The following SLC7A11 variants were observed in gnomAD, a reference collection of about 807,000 sequenced individuals.
SLC7A11 encodes cystine/glutamate transporter.
Under a neutral mutation model 54.5 loss-of-function variants are expected in SLC7A11, and 35 were observed. The ratio of observed to expected loss-of-function variants is 0.64; its 90% CI spans 0.49 to 0.85. The LOEUF is 0.85. Ranked by LOEUF, SLC7A11 falls within the 40% of genes least tolerant of loss-of-function variation. The pLI, the probability that SLC7A11 is intolerant of heterozygous loss-of-function variation, is 0.00. For synonymous variants in SLC7A11, 230 were observed against 225.2 expected, an observed-to-expected ratio of 1.02 and a Z score of -0.19; for missense variants, 583 against 618.1, an observed-to-expected ratio of 0.94 and a Z score of 0.60.
At chr4:138,174,922 A>G (rs1166434558) in intron 11 of SLC7A11, among the ~76,000 whole-genome samples, 2 of 152,202 alleles carry the variant, frequency 1.3e-5, no homozygotes, top group African/African-American at 4.8e-5. Flanking sequence ...CCTGGTACCA[A>G]TATGGGAACT....
chr4:138,183,039 G>A (rs765769652), intron 8 of SLC7A11, among the ~76,000 whole-genome samples, 163 bp downstream of exon 8: 5 of 152,112 alleles, frequency 3.3e-5, no homozygotes, highest in Admixed American at 6.6e-5. Flanking sequence ...CTAATGGACA[G>A]AATAAAACGT....
rs192265594 is a variant in SLC7A11, at chr4:138,191,687, A to T, written c.792-6443T>A. 2.6e-4 allele frequency among the ~76,000 whole-genome samples: 39 copies of T among 152,308 alleles called. No homozygotes were observed. The East Asian group carries it at 7.3e-3, about 29-fold the overall frequency. On this transcript the variant is annotated intron_variant, in intron 6 of 11. Coordinates refer to ENST00000280612, the MANE Select transcript of SLC7A11 (RefSeq NM_014331.4). ...TTCATTATTTTTATTCTACTATTAG[A>T]ATAAATTCATGACTAAATAAAATTA...
rs145016189 is a variant in SLC7A11 at position 138,232,345 on chromosome 4, G to A, written c.442C>T (p.Arg148Cys). 9.1e-5 allele frequency: 147 copies of A among 1,613,022 alleles called. No individual in the cohort carries two copies. The highest frequency in any genetic ancestry group is 3.0e-4 in the Admixed American group (18 of 59,988). Residue 148 changes from arginine to cysteine, a missense_variant, in exon 3 of 12, where the codon CGC (arginine) becomes TGC (cysteine). Coordinates refer to ENST00000280612, the MANE Select transcript of SLC7A11 (RefSeq NM_014331.4). ...ATAVISLAFG[R>C]YILEPFFIQC... is the part of the protein sequence containing the mutation. ...ATAAAAAATGGTTCCAGAATGTAGC[G>A]TCCAAATGCCAGGGATATCACAGCA...
At chr4:138,235,989 A>G (rs1467298373) in intron 2 of SLC7A11, among the ~76,000 whole-genome samples, 2 of 152,212 alleles carry the variant, frequency 1.3e-5, no homozygotes, top group Non-Finnish European at 2.9e-5. Context: ...AATTTGGTCT[A>G]GTTGGTCAAA....
intron 6 of SLC7A11, among the ~76,000 whole-genome samples, chr4:138,210,025 G>A (rs1403018187): frequency 6.6e-6 from 1 of 151,936 alleles, no homozygotes; most frequent in African/African-American, 2.4e-5. Context: ...CAAACAGAAT[G>A]ATACAGGTAC....
chr4:138,179,294 A>T lies in SLC7A11; in HGVS notation c.1367T>A (p.Ile456Asn), dbSNP rs1736660101. ...ATACGCAGGGACTCCAGTCAGAGTG[A>T]TGACGAAGCCAATCCCTGTACTAAA... ...DPFSTGIGFVITLTGVPAYYL... is the reference protein window; with the variant it reads ...DPFSTGIGFVNTLTGVPAYYL... Residue 456 changes from isoleucine to asparagine, a missense_variant, in exon 11 of 12, where the codon ATC (isoleucine) becomes AAC (asparagine). Transcript: ENST00000280612. The T allele has an allele frequency of 6.2e-7, 1 of 1,612,614 alleles. No individual in the cohort carries two copies. Among genetic ancestry groups the T allele is most frequent in the African/African-American group, 1.3e-5 (1 of 74,832 alleles).
At position 138,228,706 on chromosome 4, in the gene SLC7A11, C is replaced by T. The variant is rs562715055; in HGVS notation, c.520+3561G>A. Among the ~76,000 whole-genome samples, 284 of 132,940 alleles carry T rather than the reference C, an allele frequency of 2.1e-3. 3 individuals are homozygous for T. The highest frequency in any genetic ancestry group is 3.5e-3 in the Non-Finnish European group (227 of 65,560). 87.2% of individuals were successfully genotyped at this position (132,940 alleles called of 152,430 possible). A position where few individuals can be genotyped will look rare whatever the true frequency, so the allele number is the denominator to read the frequency against. ...ACCAGGAGGCAGACCTTGCAGTGAG[C>T]CAAGATCATGCCACTGCACTCCAGC... is the stretch of plus-strand genomic sequence containing the variant. On this transcript the variant is annotated intron_variant, in intron 3 of 11. Transcript: ENST00000280612.
Position 138,169,750 on chromosome 4 carries a change from G to T in SLC7A11, c.*2206C>A, listed in dbSNP as rs1736360881. On this transcript the variant is annotated 3_prime_UTR_variant, in exon 12 of 12. Coordinates refer to ENST00000280612, the MANE Select transcript of SLC7A11 (RefSeq NM_014331.4). The stretch of plus-strand genomic sequence containing the variant: ...GGAAAAAAAAAATAGGAATATGAAA[G>T]AAATTCTTACCTCCAGCAACATATC... 2.0e-5 allele frequency: 3 copies of T among 151,692 alleles called. No homozygotes were observed. In the South Asian group the frequency reaches 6.2e-4, roughly 31 times the overall value. The allele number at this position is 151,692 out of a possible 1,614,324, so 9.4% of individuals were successfully genotyped here. A position where few individuals can be genotyped will look rare whatever the true frequency, so the allele number is the denominator to read the frequency against.
intron 6 of SLC7A11, among the ~76,000 whole-genome samples, chr4:138,204,889 C>T (rs1237369173): frequency 6.6e-6 from 1 of 151,988 alleles, no homozygotes; most frequent in Non-Finnish European, 1.5e-5. Flanking sequence ...TGCAGAACAA[C>T]CTTTCAAGCT....
chr4:138,199,247 T>C (rs528527283), intron 6 of SLC7A11, among the ~76,000 whole-genome samples: 63 of 152,294 alleles, frequency 4.1e-4, no homozygotes, highest in African/African-American at 1.5e-3. Flanking sequence ...TACTTTTATT[T>C]GATGTGATTA....
At chr4:138,187,532 C>T (rs918090169) in intron 6 of SLC7A11, among the ~76,000 whole-genome samples, 6 of 152,114 alleles carry the variant, frequency 3.9e-5, no homozygotes, top group East Asian at 1.9e-4. Context: ...CCTTGAAATT[C>T]GGGCATTTGG....
chr4:138,197,532 T>C (rs1055740006), intron 6 of SLC7A11, among the ~76,000 whole-genome samples: 1 of 152,068 alleles, frequency 6.6e-6, no homozygotes, highest in Non-Finnish European at 1.5e-5. Context: ...AATTTTGGAC[T>C]ATAAAAGACT....
At chr4:138,230,219 C>T (rs1738040657) in intron 3 of SLC7A11, among the ~76,000 whole-genome samples, 2 of 151,970 alleles carry the variant, frequency 1.3e-5, no homozygotes, top group South Asian at 4.1e-4. Context: ...GATGACAACT[C>T]ATTAACACAA....
rs1738204572 is a variant in SLC7A11, at chr4:138,236,314, T to C, written c.404+11A>G. 1 of 1,599,140 alleles carries C rather than the reference T, an allele frequency of 6.3e-7. No homozygotes were observed. Among genetic ancestry groups the C allele is most frequent in the Non-Finnish European group, 8.5e-7 (1 of 1,175,530 alleles). ...TTTATTTTTTCTTAATTCTTTCTAC[T>C]ATGCTCTTACCGTATTATGAGGAGT... On this transcript the variant is annotated intron_variant, in intron 2 of 11. Coordinates refer to ENST00000280612, the MANE Select transcript of SLC7A11 (RefSeq NM_014331.4).
intron 6 of SLC7A11, among the ~76,000 whole-genome samples, chr4:138,194,601 C>T (rs1737087019): frequency 6.6e-6 from 1 of 152,118 alleles, no homozygotes; most frequent in African/African-American, 2.4e-5. Flanking sequence ...TCTAAATTCC[C>T]ACAACCAAGA....
At chr4:138,198,189 G>A (rs969159316) in intron 6 of SLC7A11, among the ~76,000 whole-genome samples, 14 of 151,622 alleles carry the variant, frequency 9.2e-5, no homozygotes, top group African/African-American at 3.1e-4. Context: ...AAATGATCTA[G>A]GGATGTAAAA....
chr4:138,241,265 T>C (rs1738370611), intron 1 of SLC7A11, among the ~76,000 whole-genome samples: 1 of 152,198 alleles, frequency 6.6e-6, no homozygotes, highest in Non-Finnish European at 1.5e-5. Context: ...TCAAGGACTT[T>C]TGAAAGGATA....
At position 138,219,292 on chromosome 4, in the gene SLC7A11, AT is replaced by A; in HGVS notation, c.719del (p.Tyr240PhefsTer20). On this transcript the variant is annotated frameshift_variant, in exon 5 of 12. Transcript: ENST00000280612. LOFTEE classifies it high-confidence loss of function. ...AGCCAGCATATGCATACATTCCATA[AT>A]AAAAAGCCAGTGGCAACCGCGTAAT... ...SSITRLPLAF[Y>X]YGMYAYAGWF... 6.2e-7 allele frequency: 1 copy of A among 1,608,472 alleles called. No individual in the cohort carries two copies. The highest frequency in any genetic ancestry group is 8.5e-7 in the Non-Finnish European group (1 of 1,175,006).
intron 6 of SLC7A11, among the ~76,000 whole-genome samples, chr4:138,186,155 A>G (rs909600422): frequency 6.6e-6 from 1 of 152,122 alleles, no homozygotes; most frequent in African/African-American, 2.4e-5. Flanking sequence ...ACCAATACAC[A>G]TTACTTGCTT....
Sources: gnomAD v4.1 joint callset for allele counts (sites outside exome capture counted in the v4.1 genomes callset) on GRCh38, gnomAD v4.1.1 for gene constraint, MANE v1.5 for transcripts, NCBI Gene and HGNC (gene_info 2026-07-23, HGNC 2026-07-21) for gene names.